Variants in PLEKHA5 observed in about 807,000 individuals in gnomAD.
The protein encoded by PLEKHA5 is pleckstrin homology domain containing A5, also known as pleckstrin homology domain-containing family A member 5.
In PLEKHA5, 55 loss-of-function variants were observed where a neutral mutation model predicts 181.9. That is an observed-to-expected ratio of 0.30 (90% CI 0.24 to 0.38). The LOEUF is 0.38. Ranked by LOEUF, PLEKHA5 falls within the 10% of genes least tolerant of loss-of-function variation. The probability of loss-of-function intolerance (pLI) is 1.00; values close to 1 mark genes in which losing one functional copy is unlikely to be tolerated. For synonymous variants in PLEKHA5, 535 were observed against 529.4 expected (o/e 1.01, Z -0.15); for missense variants, 1,432 against 1,549.5 (o/e 0.92, Z 1.27).
intron 3 of PLEKHA5, among the ~76,000 whole-genome samples, chr12:19,191,041 G>T (rs552126046): frequency 1.6e-4 from 25 of 151,966 alleles, no homozygotes; most frequent in African/African-American, 2.2e-4. Flanking sequence ...AATTTTTTTT[G>T]ACCATGACTC....
chr12:19,247,560 C>G (rs2064058116), intron 3 of PLEKHA5, among the ~76,000 whole-genome samples: 1 of 152,006 alleles, frequency 6.6e-6, no homozygotes, highest in African/African-American at 2.4e-5. Context: ...ATTTAGTCAT[C>G]TTAAAATCCT....
At chr12:19,334,829 A>AAAAAAAAAAAATATATAT in intron 20 of PLEKHA5, among the ~76,000 whole-genome samples, 11 of 18,598 alleles carry the variant, frequency 5.9e-4, no homozygotes, top group Non-Finnish European at 1.4e-3. Flanking sequence ...AAAAAAAAAA[A>AAAAAAAAAAAATATATAT]ATATATATAT....
rs1284686558 is a variant in PLEKHA5, at chr12:19,133,325, A to G, written c.227+875A>G. On this transcript the variant is annotated intron_variant, in intron 3 of 31. Coordinates refer to ENST00000429027, the MANE Select transcript of PLEKHA5 (RefSeq NM_001256470.2). Reference sequence around the variant, plus strand: ...TCAACATCATGTAGGAAAAATTTTAATCCCCCAACGAAAAATATGGGTGGT... The same window carrying G: ...TCAACATCATGTAGGAAAAATTTTAGTCCCCCAACGAAAAATATGGGTGGT... 5.9e-5 allele frequency among the ~76,000 whole-genome samples: 9 copies of G among 152,070 alleles called. No individual in the cohort carries two copies. The East Asian group carries it at 1.5e-3, about 26-fold the overall frequency.
chr12:19,197,126 C>G (rs913700003), intron 3 of PLEKHA5, among the ~76,000 whole-genome samples: 5 of 152,100 alleles, frequency 3.3e-5, no homozygotes, highest in African/African-American at 1.2e-4. Flanking sequence ...CTGTTCAGAT[C>G]TTACTTCACT....
intron 3 of PLEKHA5, among the ~76,000 whole-genome samples, chr12:19,230,136 G>A (rs972616027): frequency 1.3e-5 from 2 of 151,922 alleles, no homozygotes; most frequent in African/African-American, 2.4e-5. Context: ...GTAGACATAA[G>A]GGTTCTCCAG....
chr12:19,135,940 C>T (rs2035511496), intron 3 of PLEKHA5, among the ~76,000 whole-genome samples: 1 of 144,282 alleles, frequency 6.9e-6, no homozygotes, highest in South Asian at 2.2e-4. Context: ...AGTGCAGTGG[C>T]TCTATCACAA....
At chr12:19,234,437 A>G (rs878889926) in intron 3 of PLEKHA5, among the ~76,000 whole-genome samples, 1 of 152,164 alleles carries the variant, frequency 6.6e-6, no homozygotes, top group Non-Finnish European at 1.5e-5. Flanking sequence ...TGGCTGTATT[A>G]AAGGGCCTGA....
chr12:19,287,218 G>T (rs1253535706), intron 12 of PLEKHA5, among the ~76,000 whole-genome samples: 1 of 152,022 alleles, frequency 6.6e-6, no homozygotes, highest in East Asian at 1.9e-4. Flanking sequence ...TGGCTAGGCT[G>T]GTCTCGAACT....
chr12:19,325,766 T>C (rs2091953695), intron 20 of PLEKHA5, among the ~76,000 whole-genome samples: 2 of 151,630 alleles, frequency 1.3e-5, no homozygotes, highest in South Asian at 4.2e-4. Flanking sequence ...CTTAGCACTT[T>C]GGGAGGCCAA....
chr12:19,229,429 A>G (rs990051285), intron 3 of PLEKHA5, among the ~76,000 whole-genome samples: 3 of 152,050 alleles, frequency 2.0e-5, no homozygotes, highest in African/African-American at 7.2e-5. Flanking sequence ...TCCTGGTCTC[A>G]CTGGCTTCAG....
chr12:19,130,051 C>A lies in PLEKHA5; in HGVS notation c.90C>A (p.Asn30Lys). The A allele has an allele frequency of 1.3e-6, 2 of 1,584,636 alleles. No homozygotes were observed. Among genetic ancestry groups the A allele is most frequent in the Non-Finnish European group, 1.7e-6 (2 of 1,166,578 alleles). The change falls in exon 2 of 32, where the codon AAC becomes AAA. Residue 30 changes from asparagine to lysine, a missense_variant and splice_region_variant. Transcript: ENST00000429027. This position sits in a 1 kb window ranked among gnomAD's most constrained non-coding sequence, Gnocchi z 4.5. ...TCTGCCCCTTCTCTCACCCCTGCAG[C>A]GAGGAGGCCAAGAGCACCACCTGGC... is the stretch of plus-strand genomic sequence containing the variant. ...ITRGGRVFFINEEAKSTTWLH... is the reference protein window; with the variant it reads ...ITRGGRVFFIKEEAKSTTWLH...
intron 3 of PLEKHA5, among the ~76,000 whole-genome samples, chr12:19,161,914 A>G (rs1159759254): frequency 6.6e-6 from 1 of 152,206 alleles, no homozygotes; most frequent in African/African-American, 2.4e-5. Context: ...TTCAGGGGAA[A>G]GAAGTATAAT....
chr12:19,352,902 C>T (rs1258500997), intron 25 of PLEKHA5, among the ~76,000 whole-genome samples: 1 of 151,208 alleles, frequency 6.6e-6, no homozygotes, highest in Non-Finnish European at 1.5e-5. Flanking sequence ...CTCACCTCAG[C>T]CTCCTGAGTA....
intron 3 of PLEKHA5, among the ~76,000 whole-genome samples, chr12:19,143,399 G>T (rs1371555451): frequency 1.3e-5 from 2 of 152,104 alleles, no homozygotes; most frequent in Non-Finnish European, 2.9e-5. Flanking sequence ...GTTTTATAAT[G>T]TTAAGTGTTT....
chr12:19,213,227 T>G (rs1648203080), intron 3 of PLEKHA5, among the ~76,000 whole-genome samples: 1 of 151,750 alleles, frequency 6.6e-6, no homozygotes, highest in Non-Finnish European at 1.5e-5. Flanking sequence ...TATGAGGGTG[T>G]GGGTGGCTTC....
rs1257418080 is a variant in PLEKHA5 at position 19,375,759 on chromosome 12, T to TA, written c.*241dup. On this transcript the variant is annotated 3_prime_UTR_variant, in exon 32 of 32. Coordinates refer to ENST00000429027, the MANE Select transcript of PLEKHA5 (RefSeq NM_001256470.2). ...TATTATTCTGACACCAGCTTGCTGC[T>TA]ATGATTTCAGAGCACATAAGTAAAG... The TA allele has an allele frequency of 6.6e-6, 1 of 152,650 alleles. No homozygotes were observed. Among genetic ancestry groups the TA allele is most frequent in the Admixed American group, 6.6e-5 (1 of 15,266 alleles). The allele number at this position is 152,650 out of a possible 1,614,324, so 9.5% of individuals were successfully genotyped here. A position where few individuals can be genotyped will look rare whatever the true frequency, so the allele number is the denominator to read the frequency against.
chr12:19,229,730 T>C (rs2060200473), intron 3 of PLEKHA5, among the ~76,000 whole-genome samples: 1 of 152,166 alleles, frequency 6.6e-6, no homozygotes, highest in African/African-American at 2.4e-5. Flanking sequence ...GCAGCCAGCT[T>C]TTATTCCCTT....
chr12:19,290,301 G>A (rs748745793), intron 13 of PLEKHA5, among the ~76,000 whole-genome samples: 6 of 152,082 alleles, frequency 3.9e-5, no homozygotes, highest in Non-Finnish European at 8.8e-5. Flanking sequence ...ACTATTGCTG[G>A]GAAAAGGTGT....
At chr12:19,343,507 C>A in intron 22 of PLEKHA5, 73 bp downstream of exon 22, 1 of 857,004 alleles carries the variant, frequency 1.2e-6, no homozygotes, top group Non-Finnish European at 2.0e-6. Flanking sequence ...TGACAGATTA[C>A]ATTCTGAGAA....
Sources: gnomAD v4.1 joint callset for allele counts (sites outside exome capture counted in the v4.1 genomes callset) on GRCh38, gnomAD v4.1.1 for gene constraint, Gnocchi (gnomAD v3.1) non-coding constraint, MANE v1.5 for transcripts, NCBI Gene and HGNC (gene_info 2026-07-23, HGNC 2026-07-21) for gene names.